TGOLN2: variants seen among roughly 807,000 people sequenced by gnomAD.
TGOLN2 encodes the protein trans-Golgi network integral membrane protein 2.
In TGOLN2, 19 loss-of-function variants were observed where a neutral mutation model predicts 31.3. The ratio of observed to expected loss-of-function variants is 0.61; its 90% CI spans 0.42 to 0.89. The LOEUF (loss-of-function observed/expected upper bound fraction) is 0.89, where lower values mean the gene tolerates loss of function less well. Among genes scored for constraint, TGOLN2 ranks in the 40% least tolerant of loss-of-function variants. The pLI is 0.00. For missense variants in TGOLN2, 540 were observed against 559.2 expected, an observed-to-expected ratio of 0.97 and a Z score of 0.35; for synonymous variants, 222 against 226.7, an observed-to-expected ratio of 0.98 and a Z score of 0.19.
chr2:85,327,810 A>T, intron 1 of TGOLN2, 107 bp downstream of exon 1: 1 of 1,477,076 alleles, frequency 6.8e-7, no homozygotes, highest in Non-Finnish European at 9.1e-7. Context: ...GACGATGGCG[A>T]GCGGAGAGGT....
In TGOLN2 at chr2:85,322,682, G is replaced by A. The variant is rs550444949; in HGVS notation, c.*54C>T. The A allele has an allele frequency of 6.2e-7, 1 of 1,609,662 alleles. No homozygotes were observed. Among genetic ancestry groups the A allele is most frequent in the African/African-American group, 1.3e-5 (1 of 74,846 alleles). On this transcript the variant is annotated 3_prime_UTR_variant, in exon 4 of 4. Transcript: ENST00000377386. ...CAAAAAAATCAAAGCTGAAACGAGA[G>A]CAGCACAATCCATTGGTGACGTTCA... is the stretch of plus-strand genomic sequence containing the variant.
Position 85,324,988 on chromosome 2 carries a change from A to G in TGOLN2, c.1235T>C (p.Phe412Ser). 1 of 1,552,338 alleles carries G rather than the reference A, an allele frequency of 6.4e-7. No homozygotes were observed. Among genetic ancestry groups the G allele is most frequent in the South Asian group, 1.2e-5 (1 of 84,122 alleles). Residue 412 changes from phenylalanine (F) to serine (S), a missense_variant, in exon 3 of 4, where the codon TTT becomes TCT. Physicochemically the swap from Phe to Ser is radical, Grantham distance 155. Coordinates refer to ENST00000377386, the MANE Select transcript of TGOLN2 (RefSeq NM_006464.4). ...TTTAGATCTTTTTCCTTCCAGGACA[A>G]AAGCAATGATCTGAGGAAAGGAAAA... ...AHHNKRKIIAFVLEGKRSKVT... is the reference protein window; with the variant it reads ...AHHNKRKIIASVLEGKRSKVT...
At position 85,326,741 on chromosome 2, in the gene TGOLN2, T is replaced by C. The variant is rs369082546; in HGVS notation, c.991A>G (p.Thr331Ala). The C allele has an allele frequency of 1.2e-6, 2 of 1,613,902 alleles. No individual in the cohort carries two copies. The highest frequency in any genetic ancestry group is 1.7e-6 in the Non-Finnish European group (2 of 1,179,898). The change falls in exon 2 of 4, where the codon ACA (threonine) becomes GCA (alanine). Residue 331 changes from threonine (T) to alanine (A), a missense_variant. By Grantham distance (58) the Thr-to-Ala change is moderately conservative. Transcript: ENST00000377386. ...GGCGGTGAGCCCTCCTCGGGTCCTG[T>C]ATCATCATCTTCAGCCTCTTTGGGC... Reference protein sequence around the residue: ...VEPKEAEDDDTGPEEGSPPKE... With the variant: ...VEPKEAEDDDAGPEEGSPPKE...
chr2:85,319,719 T>A lies in TGOLN2; in HGVS notation c.*3017A>T, dbSNP rs1682485436. 6.6e-6 allele frequency: 1 copy of A among 152,200 alleles called. No homozygotes were observed. The highest frequency in any genetic ancestry group is 1.5e-5 in the Non-Finnish European group (1 of 68,062). The allele number at this position is 152,200 out of a possible 1,614,324, so 9.4% of individuals were successfully genotyped here. Reference sequence around the variant, plus strand: ...TAGCCAGGAAAAGCTGTGGGACCCCTCATTTGAGTCACATCCATATGGCAT... The same window carrying A: ...TAGCCAGGAAAAGCTGTGGGACCCCACATTTGAGTCACATCCATATGGCAT... On this transcript the variant is annotated 3_prime_UTR_variant, in exon 4 of 4. Coordinates refer to ENST00000377386, the MANE Select transcript of TGOLN2 (RefSeq NM_006464.4).
At position 85,327,976 on chromosome 2, in the gene TGOLN2, C is replaced by T; in HGVS notation, c.-14G>A. ...CACGAACCGCATCCTGCTCGGATAG[C>T]GCTTCCGCCCTCTAATGCTCTCGCG... is the stretch of plus-strand genomic sequence containing the variant. On this transcript the variant is annotated 5_prime_UTR_variant, in exon 1 of 4. Coordinates refer to ENST00000377386, the MANE Select transcript of TGOLN2 (RefSeq NM_006464.4). The T allele has an allele frequency of 1.3e-6, 2 of 1,581,462 alleles. No homozygotes were observed. Among genetic ancestry groups the T allele is most frequent in the South Asian group, 2.3e-5 (2 of 86,478 alleles).
Position 85,326,810 on chromosome 2 carries a change from G to A in TGOLN2, c.922C>T (p.Pro308Ser). 6.2e-7 allele frequency: 1 copy of A among 1,614,022 alleles called. No homozygotes were observed. Among genetic ancestry groups the A allele is most frequent in the South Asian group, 1.1e-5 (1 of 91,088 alleles). The change falls in exon 2 of 4, where the codon CCG becomes TCG. Residue 308 changes from proline to serine, a missense_variant. Physicochemically the swap from Pro to Ser is moderately conservative, Grantham distance 74. Coordinates refer to ENST00000377386, the MANE Select transcript of TGOLN2 (RefSeq NM_006464.4). The part of the protein sequence containing the change: ...SGEETDLISP[P>S]QEEVKSSEPT... ...TCTGAAGACTTAACTTCCTCCTGCG[G>A]GGGAGAAATGAGGTCAGTTTCCTCC...
At chr2:85,322,837 A>G (rs772660742) in intron 3 of TGOLN2, 96 bp from the exon 4 acceptor site, 12 of 1,555,636 alleles carry the variant, frequency 7.7e-6, no homozygotes, top group Non-Finnish European at 1.0e-5. Context: ...TAATTAAAAT[A>G]GCACACAAAA....
rs762921569 is a variant in TGOLN2 at position 85,326,857 on chromosome 2, T to G, written c.875A>C (p.His292Pro). 5 of 1,613,988 alleles carry G rather than the reference T, an allele frequency of 3.1e-6. No homozygotes were observed. In the South Asian group the frequency reaches 5.5e-5, roughly 18 times the overall value. The change falls in exon 2 of 4, where the codon CAT (histidine) becomes CCT (proline). Residue 292 changes from histidine (H) to proline (P), a missense_variant. Coordinates refer to ENST00000377386, the MANE Select transcript of TGOLN2 (RefSeq NM_006464.4). Reference sequence around the variant, plus strand: ...CTCCCCAGATTCGGTTTTGAAAGCATGAGGAGAAAGCTTCCCTTTGTCAGC... The same window carrying G: ...CTCCCCAGATTCGGTTTTGAAAGCAGGAGGAGAAAGCTTCCCTTTGTCAGC... ...QLADKGKLSP[H>P]AFKTESGEET... is the part of the protein sequence containing the mutation.
Position 85,327,351 on chromosome 2 carries a change from A to G in TGOLN2, c.381T>C (p.His127=), listed in dbSNP as rs1192013315. ...QTTKDSTSKS[H]PELQTPKDST... is the part of the protein sequence containing the mutation. Reference sequence around the variant, plus strand: ...TGTCTTTTGGAGTCTGCAGCTCCGGATGCGACTTACTAGTGCTGTCTTTTG... The same window carrying G: ...TGTCTTTTGGAGTCTGCAGCTCCGGGTGCGACTTACTAGTGCTGTCTTTTG... Residue 127 remains histidine, a synonymous_variant, in exon 2 of 4, where the codon CAT becomes CAC. Transcript: ENST00000377386. 1 of 1,610,958 alleles carries G rather than the reference A, an allele frequency of 6.2e-7. No individual in the cohort carries two copies. The highest frequency in any genetic ancestry group is 1.3e-5 in the African/African-American group (1 of 74,252).
In TGOLN2 at chr2:85,322,370, G is replaced by A. The variant is rs1682576681; in HGVS notation, c.*366C>T. 5.8e-6 allele frequency: 2 copies of A among 345,250 alleles called. No homozygotes were observed. The highest frequency in any genetic ancestry group is 9.0e-5 in the East Asian group (1 of 11,094). 21.4% of individuals were successfully genotyped at this position (345,250 alleles called of 1,614,324 possible). On this transcript the variant is annotated 3_prime_UTR_variant, in exon 4 of 4. Coordinates refer to ENST00000377386, the MANE Select transcript of TGOLN2 (RefSeq NM_006464.4). ...GGCCCCAGGGAGGGTGGTCAGCAGCGCAGCCTGCCCAGGCTGGGATCTCCC... is the reference window on the plus strand; with the variant it reads ...GGCCCCAGGGAGGGTGGTCAGCAGCACAGCCTGCCCAGGCTGGGATCTCCC...
chr2:85,322,596 T>C lies in TGOLN2; in HGVS notation c.*140A>G, dbSNP rs546629733. Reference sequence around the variant, plus strand: ...GAGGGTGTCTCTCAGGTCACAGTACTTTTTTCTTCATTTCTTTTGATTTAG... The same window carrying C: ...GAGGGTGTCTCTCAGGTCACAGTACCTTTTTCTTCATTTCTTTTGATTTAG... On this transcript the variant is annotated 3_prime_UTR_variant, in exon 4 of 4. Coordinates refer to ENST00000377386, the MANE Select transcript of TGOLN2 (RefSeq NM_006464.4). 10 of 1,521,718 alleles carry C rather than the reference T, an allele frequency of 6.6e-6. 1 individual carries two copies. The African/African-American group carries it at 1.4e-4, about 21-fold the overall frequency. The allele number at this position is 1,521,718 out of a possible 1,614,324, so 94.3% of individuals were successfully genotyped here.
chr2:85,325,148 T>C (rs1682687720), intron 2 of TGOLN2, 150 bp from the exon 3 acceptor site: 1 of 686,780 alleles, frequency 1.5e-6, no homozygotes, highest in Non-Finnish European at 2.4e-6. Flanking sequence ...ATTTAAACTA[T>C]AACCATTTTA....
chr2:85,324,629 G>GAA (rs755099986), intron 3 of TGOLN2: 400 of 411,642 alleles, frequency 9.7e-4, no homozygotes, highest in South Asian at 2.1e-3. Context: ...AAACTTAGCG[G>GAA]AAAAAAAAAA....
intron 3 of TGOLN2, chr2:85,324,412 C>T (rs1469039847): frequency 6.4e-6 from 1 of 156,576 alleles, no homozygotes; most frequent in African/African-American, 2.4e-5. Context: ...AAGAGCAAAA[C>T]TCCATCTCCA....
chr2:85,322,491 C>A lies in TGOLN2; in HGVS notation c.*245G>T. 3 of 656,514 alleles carry A rather than the reference C, an allele frequency of 4.6e-6. No individual in the cohort carries two copies. The highest frequency in any genetic ancestry group is 2.0e-5 in the South Asian group (1 of 49,770). The allele number at this position is 656,514 out of a possible 1,614,324, so 40.7% of individuals were successfully genotyped here. On this transcript the variant is annotated 3_prime_UTR_variant, in exon 4 of 4. Coordinates refer to ENST00000377386, the MANE Select transcript of TGOLN2 (RefSeq NM_006464.4). ...CATAAATAAAGGGAACACAGAAGAA[C>A]AATGTCACCAAAGTGCAGGTGCAAA...
rs1682524574 is a variant in TGOLN2, at chr2:85,320,925, C to G, written c.*1811G>C. The G allele has an allele frequency of 7.3e-6, 1 of 136,726 alleles. No homozygotes were observed. Among genetic ancestry groups the G allele is most frequent in the African/African-American group, 2.7e-5 (1 of 36,836 alleles). The allele number at this position is 136,726 out of a possible 1,614,324, so 8.5% of individuals were successfully genotyped here. ...CCTTTAGAAAAGTTTAGTTGACAGA[C>G]AGAGACCGAAGTGAGTTAGTAAAAG... On this transcript the variant is annotated 3_prime_UTR_variant, in exon 4 of 4. Transcript: ENST00000377386.
At position 85,319,970 on chromosome 2, in the gene TGOLN2, T is replaced by A. The variant is rs1009892497; in HGVS notation, c.*2766A>T. 3 of 152,024 alleles carry A rather than the reference T, an allele frequency of 2.0e-5. No homozygotes were observed. Among genetic ancestry groups the A allele is most frequent in the African/African-American group, 7.3e-5 (3 of 41,320 alleles). The allele number at this position is 152,024 out of a possible 1,614,324, so 9.4% of individuals were successfully genotyped here. On this transcript the variant is annotated 3_prime_UTR_variant, in exon 4 of 4. Coordinates refer to ENST00000377386, the MANE Select transcript of TGOLN2 (RefSeq NM_006464.4). ...GAGCTGAGGGAAAGAGTCAACCATG[T>A]GGGGTGGGGTAGTGAGGAAGGTGTA...
intron 1 of TGOLN2, 40 bp downstream of exon 1, chr2:85,327,877 A>T: frequency 6.3e-6 from 10 of 1,580,900 alleles, no homozygotes; most frequent in Non-Finnish European, 8.6e-6. Flanking sequence ...AGAATGGGGG[A>T]TCTGGGGGCA....
chr2:85,327,809 G>T, intron 1 of TGOLN2, 108 bp downstream of exon 1: 2 of 1,520,012 alleles, frequency 1.3e-6, no homozygotes, highest in Non-Finnish European at 8.9e-7. Context: ...AGACGATGGC[G>T]AGCGGAGAGG....
Sources: gnomAD v4.1 joint callset for allele counts on GRCh38, gnomAD v4.1.1 for gene constraint, MANE v1.5 for transcripts, NCBI Gene and HGNC (gene_info 2026-07-23, HGNC 2026-07-21) for gene names.